Variants in NLRP7 observed in about 807,000 individuals in gnomAD.
The protein encoded by NLRP7 is NLR family pyrin domain containing 7, also known as NACHT, LRR and PYD domains-containing protein 7.
In NLRP7, 72 loss-of-function variants were observed where a neutral mutation model predicts 85.5. The observed-to-expected ratio is 0.84, with a 90% confidence interval of 0.70 to 1.02. The LOEUF (loss-of-function observed/expected upper bound fraction) is 1.02, where lower values mean the gene tolerates loss of function less well. Among genes scored for constraint, NLRP7 ranks in the 50% least tolerant of loss-of-function variants. NLRP7 has a pLI of 0.00. For synonymous variants in NLRP7, 550 were observed against 505.2 expected, an observed-to-expected ratio of 1.09 and a Z score of -1.19; for missense variants, 1,243 against 1,219.5, an observed-to-expected ratio of 1.02 and a Z score of -0.29.
At chr19:54,944,539 G>A (rs1032764816) in intron 1 of NLRP7, among the ~76,000 whole-genome samples, 23 of 151,862 alleles carry the variant, frequency 1.5e-4, no homozygotes, top group Non-Finnish European at 1.5e-5. Flanking sequence ...AGACCCGGCC[G>A]GCGCGGGTCT....
chr19:54,930,792 T>C, intron 8 of NLRP7, 126 bp from the exon 9 acceptor site: 2 of 784,662 alleles, frequency 2.5e-6, no homozygotes, highest in East Asian at 2.6e-5. Flanking sequence ...CTTGGCTCAC[T>C]GCAACCTCTG....
chr19:54,937,085 G>C (rs577319461), intron 5 of NLRP7, among the ~76,000 whole-genome samples: 3 of 151,812 alleles, frequency 2.0e-5, no homozygotes, highest in African/African-American at 7.2e-5. Flanking sequence ...GGGCGTGGTG[G>C]CGGGCGCCTG....
chr19:54,942,300 G>C (rs1490452900), intron 1 of NLRP7, among the ~76,000 whole-genome samples: 1 of 151,544 alleles, frequency 6.6e-6, no homozygotes, highest in Non-Finnish European at 1.5e-5. Flanking sequence ...AGAATGAAGG[G>C]TCAGTGGTAT....
At chr19:54,947,430 C>G (rs888501671) in intron 1 of NLRP7, 39 bp downstream of exon 1, 5 of 1,275,866 alleles carry the variant, frequency 3.9e-6, no homozygotes, top group South Asian at 3.7e-5. Flanking sequence ...CTCCCTTAAA[C>G]GAGAAGACAA....
At chr19:54,952,067 G>C (rs992527560), upstream of NLRP7, among the ~76,000 whole-genome samples, 1 of 152,030 alleles carries the variant, frequency 6.6e-6, no homozygotes, top group African/African-American at 2.4e-5. Context: ...AGACAAATTT[G>C]TATCTGCACG....
chr19:54,960,376 G>A (rs529369200), intron 1 of NLRP7, among the ~76,000 whole-genome samples: 3 of 151,476 alleles, frequency 2.0e-5, no homozygotes, highest in East Asian at 3.9e-4. Context: ...GGCTAGTCTC[G>A]AGCTCCTGAC....
intron 5 of NLRP7, among the ~76,000 whole-genome samples, chr19:54,937,334 T>C (rs1399277067): frequency 3.3e-5 from 5 of 151,926 alleles, no homozygotes; most frequent in Admixed American, 3.3e-4. Flanking sequence ...CACGGTTACC[T>C]GTGTAACTAA....
chr19:54,927,757 G>A (rs2068508237), intron 9 of NLRP7: 1 of 1,614,052 alleles, frequency 6.2e-7, no homozygotes, highest in Non-Finnish European at 8.5e-7. Flanking sequence ...AGAAAGGCAT[G>A]AGGGAGCAGC....
rs770554876 is a variant in NLRP7 at position 54,940,950 on chromosome 19, GTCT to G, written c.330_332del (p.Glu110del). The G allele has an allele frequency of 3.1e-6, 5 of 1,612,154 alleles. No individual in the cohort carries two copies. The East Asian group carries it at 6.7e-5, about 22-fold the overall frequency. On this transcript the variant is annotated inframe_deletion, in exon 3 of 10. Coordinates refer to ENST00000340844, the Ensembl canonical transcript of NLRP7. ...ACCCACCTGGCTTTGCTAACTCCGA[GTCT>G]TCTTCTGCATCTCCCAGCTCAGGAT...
chr19:54,952,630 G>A (rs2146268682), intron 1 of NLRP7, among the ~76,000 whole-genome samples: 1 of 151,910 alleles, frequency 6.6e-6, no homozygotes. Flanking sequence ...ACTTCTGGGG[G>A]AGATGGATTG....
chr19:54,939,708 TGCACACAATCCAGCACACCGC>T, exon 4 of NLRP7: 3 of 1,613,416 alleles, frequency 1.9e-6, no homozygotes, highest in Non-Finnish European at 1.7e-6. Context: ...TTCAGAGTCG[TGCACACAATCCAGCACACCGC>T]GGGGGCCGAG....
chr19:54,954,637 G>A lies in NLRP7; in HGVS notation c.-76-7132C>T, dbSNP rs2069793702. ...AGGCGGGCATATCACCTGAGCTCAG[G>A]AGGTCAAGATCAGCCTGGCCAACAT... On this transcript the variant is annotated intron_variant, in intron 1 of 2. Coordinates refer to the NLRP7 transcript ENST00000587103. Among the ~76,000 whole-genome samples, 4 of 151,652 alleles carry A rather than the reference G, an allele frequency of 2.6e-5. No individual in the cohort carries two copies. The South Asian group carries it at 8.4e-4, about 32-fold the overall frequency.
At chr19:54,936,932 G>A (rs576516554) in intron 5 of NLRP7, among the ~76,000 whole-genome samples, 9 of 149,808 alleles carry the variant, frequency 6.0e-5, no homozygotes, top group African/African-American at 9.8e-5. Flanking sequence ...AAAAAAATTC[G>A]CCGGGTGTGG....
intron 5 of NLRP7, among the ~76,000 whole-genome samples, chr19:54,936,736 G>A (rs1200376377): frequency 6.6e-6 from 1 of 152,094 alleles, no homozygotes; most frequent in African/African-American, 2.4e-5. Context: ...CCAACATGGG[G>A]AAGCCCCGTC....
At chr19:54,935,171 A>G (rs1470433637) in intron 6 of NLRP7, among the ~76,000 whole-genome samples, 2 of 152,048 alleles carry the variant, frequency 1.3e-5, no homozygotes, top group African/African-American at 2.4e-5. Context: ...AGAGATTGTA[A>G]TACAATTCTG....
chr19:54,927,195 C>A (rs944931178), intron 9 of NLRP7, among the ~76,000 whole-genome samples: 1 of 151,906 alleles, frequency 6.6e-6, no homozygotes, highest in Non-Finnish European at 1.5e-5. Context: ...TCAAGACTAG[C>A]CTGGCCAACA....
exon 4 of NLRP7, chr19:54,939,035 G>C: frequency 6.2e-7 from 1 of 1,614,244 alleles, no homozygotes; most frequent in South Asian, 1.1e-5. Flanking sequence ...CAGGTGAATA[G>C]AAATTTCCTT....
exon 10 of NLRP7, chr19:54,923,811 T>G (rs1453966156): frequency 1.2e-6 from 2 of 1,614,000 alleles, no homozygotes; most frequent in East Asian, 2.2e-5. Context: ...AGCTTGGGAT[T>G]CTTTTCTTTC....
chr19:54,956,482 G>A (rs1048046130), intron 1 of NLRP7, among the ~76,000 whole-genome samples: 1 of 151,780 alleles, frequency 6.6e-6, no homozygotes, highest in African/African-American at 2.4e-5. Flanking sequence ...TTGAGGTCAG[G>A]ACTTTGAGAC....
Sources: gnomAD v4.1 joint callset for allele counts (sites outside exome capture counted in the v4.1 genomes callset) on GRCh38, gnomAD v4.1.1 for gene constraint, MANE v1.5 for transcripts, NCBI Gene and HGNC (gene_info 2026-07-23, HGNC 2026-07-21) for gene names.